Variants in GHRH observed in about 807,000 individuals in gnomAD.
GHRH encodes the protein growth hormone releasing hormone.
GHRH carries 7 observed loss-of-function variants against 15.6 expected under a neutral mutation model. The observed-to-expected ratio is 0.45, with a 90% CI of 0.26 to 0.84. The LOEUF is 0.84. GHRH is among the 40% of genes least tolerant of loss of function. GHRH has a pLI of 0.18. For synonymous variants in GHRH, 54 were observed against 50.4 expected (o/e 1.07, Z -0.30); for missense variants, 117 against 138.0 (o/e 0.85, Z 0.76).
At chr20:37,256,296 G>T in intron 3 of GHRH, 98 bp downstream of exon 3, 1 of 680,522 alleles carries the variant, frequency 1.5e-6, no homozygotes, top group Non-Finnish European at 2.5e-6. Context: ...GCTGTGCCAA[G>T]GAAGAGATCT....
At chr20:37,260,150 A>G (rs2068680149) in intron 1 of GHRH, among the ~76,000 whole-genome samples, 1 of 152,142 alleles carries the variant, frequency 6.6e-6, no homozygotes, top group Non-Finnish European at 1.5e-5. Context: ...CATTCAAGAT[A>G]AGGCTCAGCA....
At chr20:37,254,438 T>A in intron 3 of GHRH, 109 bp from the exon 4 acceptor site, 1 of 1,110,734 alleles carries the variant, frequency 9.0e-7, no homozygotes, top group Non-Finnish European at 1.4e-6. Flanking sequence ...TCTACCCAAC[T>A]GAATTAGATT....
chr20:37,251,311 G>A lies in GHRH; in HGVS notation c.309-80C>T, dbSNP rs370404280. ...GTGGGATGCATGGAACCAGGGTGAC[G>A]GGTGCTCCCGTGACAGGAGCTGGCC... On this transcript the variant is annotated intron_variant, in intron 4 of 4. Transcript: ENST00000373614. 77 of 1,174,544 alleles carry A rather than the reference G, an allele frequency of 6.6e-5. No homozygotes were observed. In the African/African-American group the frequency reaches 8.0e-4, roughly 12 times the overall value. The allele number at this position is 1,174,544 out of a possible 1,614,324, so 72.8% of individuals were successfully genotyped here. A position where few individuals can be genotyped will look rare whatever the true frequency, so the allele number is the denominator to read the frequency against.
At chr20:37,254,086 G>C (rs2068640134) in intron 4 of GHRH, 124 bp downstream of exon 4, 2 of 979,682 alleles carry the variant, frequency 2.0e-6, no homozygotes, top group Non-Finnish European at 1.6e-6. Context: ...GAGGGTCCTT[G>C]TTCTTGGTTT....
chr20:37,259,769 T>G (rs758711959), intron 1 of GHRH, among the ~76,000 whole-genome samples: 97 of 152,196 alleles, frequency 6.4e-4, no homozygotes, highest in Non-Finnish European at 9.8e-4. Context: ...GACAAGGACA[T>G]TTTCCATGAT....
intron 4 of GHRH, among the ~76,000 whole-genome samples, chr20:37,252,119 T>TA (rs1339869581): frequency 6.6e-6 from 1 of 152,210 alleles, no homozygotes; most frequent in Non-Finnish European, 1.5e-5. Context: ...GCCTTCTTCT[T>TA]AGAGACATTA....
At chr20:37,255,993 T>C (rs116031038) in intron 3 of GHRH, among the ~76,000 whole-genome samples, 5,455 of 152,058 alleles carry the variant, frequency 0.036, 143 homozygotes, top group African/African-American at 0.072. Context: ...TCCACTGTAC[T>C]CCAGCCTGGG....
intron 1 of GHRH, among the ~76,000 whole-genome samples, chr20:37,257,423 G>A (rs904699414): frequency 2.6e-5 from 4 of 151,358 alleles, no homozygotes; most frequent in Non-Finnish European, 4.4e-5. Context: ...GTTGAGGCAC[G>A]AGAATCCCTT....
At chr20:37,253,350 T>G (rs2068633879) in intron 4 of GHRH, among the ~76,000 whole-genome samples, 1 of 152,196 alleles carries the variant, frequency 6.6e-6, no homozygotes, top group African/African-American at 2.4e-5. Context: ...TGGTCTGTCT[T>G]TGGCTTGATA....
chr20:37,255,767 C>T (rs530896160), intron 3 of GHRH, among the ~76,000 whole-genome samples: 1 of 150,632 alleles, frequency 6.6e-6, no homozygotes, highest in East Asian at 2.0e-4. Context: ...AGGTGGCTCA[C>T]AACTATAATC....
rs1432832092 is a variant in GHRH at position 37,254,314 on chromosome 20, C to A, written c.204G>T (p.Glu68Asp). 9.9e-6 allele frequency: 16 copies of A among 1,614,054 alleles called. No individual in the cohort carries two copies. Among genetic ancestry groups the A allele is most frequent in the Non-Finnish European group, 1.1e-5 (13 of 1,180,018 alleles). ...MSRQQGESNQ[E>D]RGARARLGRQ... ...GACCAAGCCGTGCCCTTGCTCCTCG[C>A]TCTTGGTTGCTCTCTCTGTGTGGTT... is the stretch of plus-strand genomic sequence containing the variant. The change falls in exon 4 of 5, where the codon GAG (glutamate) becomes GAT (aspartate). Residue 68 changes from glutamate to aspartate, a missense_variant. Glu to Asp is a conservative substitution (Grantham distance 45). Transcript: ENST00000373614.
At chr20:37,256,289 G>A in intron 3 of GHRH, 105 bp downstream of exon 3, 1 of 640,522 alleles carries the variant, frequency 1.6e-6, no homozygotes, top group Non-Finnish European at 2.7e-6. Context: ...GACACTTGCT[G>A]TGCCAAGGAA....
chr20:37,258,247 C>T lies in GHRH; in HGVS notation c.-19-1339G>A, dbSNP rs946931305. 2.0e-5 allele frequency among the ~76,000 whole-genome samples: 3 copies of T among 152,172 alleles called. No individual in the cohort carries two copies. Among genetic ancestry groups the T allele is most frequent in the African/African-American group, 7.2e-5 (3 of 41,448 alleles). On this transcript the variant is annotated intron_variant, in intron 1 of 4. Transcript: ENST00000373614. The surrounding 1 kb of genome is among the most constrained non-coding windows in gnomAD (Gnocchi z 4.1). ...GGGTCCTCCCATCTCCCATGGGTTT[C>T]TCCCTCTCTCAGCAGGATGTCTACT...
intron 2 of GHRH, 47 bp from the exon 3 acceptor site, chr20:37,256,545 G>A (rs765760128): frequency 1.6e-5 from 20 of 1,217,928 alleles, no homozygotes; most frequent in African/African-American, 4.5e-5. Flanking sequence ...GAGGCCAGGC[G>A]AGAGGACAGT....
intron 3 of GHRH, among the ~76,000 whole-genome samples, chr20:37,255,660 C>CA (rs61126074): frequency 0.18 from 2,619 of 14,584 alleles, 476 homozygotes; most frequent in Non-Finnish European, 0.24. Flanking sequence ...GACTCCATCT[C>CA]AAAAAAAAAA....
intron 3 of GHRH, 68 bp downstream of exon 3, chr20:37,256,326 T>C: frequency 6.1e-6 from 6 of 977,422 alleles, no homozygotes; most frequent in Non-Finnish European, 9.4e-6. Flanking sequence ...CCTGGTCCCC[T>C]GTAGGGAACA....
chr20:37,257,390 C>T (rs2068663629), intron 1 of GHRH, among the ~76,000 whole-genome samples: 1 of 151,838 alleles, frequency 6.6e-6, no homozygotes, highest in Non-Finnish European at 1.5e-5. Flanking sequence ...TGGCGTGTGC[C>T]TGTAATCCCA....
chr20:37,259,323 C>A (rs1372636048), intron 1 of GHRH, among the ~76,000 whole-genome samples: 1 of 152,176 alleles, frequency 6.6e-6, no homozygotes, highest in African/African-American at 2.4e-5. Context: ...CTCCTCATCG[C>A]ACCATACCAC....
At chr20:37,256,688 G>T in intron 2 of GHRH, 119 bp downstream of exon 2, 1 of 826,574 alleles carries the variant, frequency 1.2e-6, no homozygotes, top group South Asian at 1.7e-5. Flanking sequence ...ACGGGCAGTG[G>T]GTGCTGCCTG....
Sources: allele counts gnomAD v4.1 joint callset (sites outside exome capture counted in the v4.1 genomes callset), GRCh38; gene constraint gnomAD v4.1.1; non-coding constraint Gnocchi (gnomAD v3.1); transcripts MANE v1.5; gene names NCBI Gene and HGNC (gene_info 2026-07-23, HGNC 2026-07-21).